ZYG11A: variants seen among roughly 807,000 people sequenced by gnomAD.
The protein encoded by ZYG11A is protein zyg-11 homolog A.
ZYG11A carries 62 observed loss-of-function variants against 77.2 expected under a neutral mutation model. That is an observed-to-expected ratio of 0.80 (90% CI 0.65 to 0.99). The LOEUF is 0.99. Ranked by LOEUF, ZYG11A falls within the 50% of genes least tolerant of loss-of-function variation. ZYG11A has a pLI of 0.00. For synonymous variants in ZYG11A, 315 were observed against 324.6 expected (o/e 0.97, Z 0.32); for missense variants, 828 against 896.8 (o/e 0.92, Z 0.98).
chr1:52,892,783 C>T lies in ZYG11A; in HGVS notation c.2106C>T (p.Pro702=), dbSNP rs1646568186. 2 of 1,551,272 alleles carry T rather than the reference C, an allele frequency of 1.3e-6. No homozygotes were observed. Among genetic ancestry groups the T allele is most frequent in the East Asian group, 2.4e-5 (1 of 40,904 alleles). ...WAMYHVCSKN[P]SKYCKMLVEE... is the part of the protein sequence containing the mutation. ...TGTCTCTGCTTGATTTTCTTTCAGC[C>T]AGCAAATACTGCAAAATGTTAGTTG... Residue 702 remains proline (P), a splice_region_variant and synonymous_variant, in exon 14 of 14, where the codon CCC becomes CCT. Transcript: ENST00000371528.
rs1420319727 is a variant in ZYG11A at position 52,842,898 on chromosome 1, G to A, written c.15G>A (p.Leu5=). MVHF[L]HPGHTPRNIV... ...CCGGGGTTGCCATGGTTCATTTCTT[G>A]CACCCGGGCCACACGCCCCGGAACA... The change falls in exon 1 of 14, where the codon TTG becomes TTA. Residue 5 remains leucine, a synonymous_variant. Transcript: ENST00000371528. The A allele has an allele frequency of 1.3e-6, 2 of 1,532,038 alleles. No homozygotes were observed. Among genetic ancestry groups the A allele is most frequent in the African/African-American group, 1.4e-5 (1 of 70,532 alleles). The allele number at this position is 1,532,038 out of a possible 1,614,324, so 94.9% of individuals were successfully genotyped here.
intron 8 of ZYG11A, among the ~76,000 whole-genome samples, chr1:52,870,011 G>T (rs1177478750): frequency 2.7e-5 from 4 of 150,452 alleles, no homozygotes; most frequent in Admixed American, 1.3e-4. Context: ...GGGTGGAGGG[G>T]CTCCTCACTT....
At chr1:52,872,903 A>G (rs1314059590) in intron 8 of ZYG11A, among the ~76,000 whole-genome samples, 4 of 144,738 alleles carry the variant, frequency 2.8e-5, no homozygotes, top group African/African-American at 1.1e-4. Flanking sequence ...AAAAAAAGAA[A>G]AGAAAAGAAA....
chr1:52,883,733 T>C (rs1646399953), intron 11 of ZYG11A, among the ~76,000 whole-genome samples: 1 of 152,098 alleles, frequency 6.6e-6, no homozygotes, highest in South Asian at 2.1e-4. Context: ...AGCCTAATTT[T>C]TAAGTTTTCC....
At position 52,855,050 on chromosome 1, in the gene ZYG11A, TG is replaced by T. The variant is rs573842146; in HGVS notation, c.256+424del. 4.6e-5 allele frequency among the ~76,000 whole-genome samples: 7 copies of T among 152,074 alleles called. No individual in the cohort carries two copies. The South Asian group carries it at 1.5e-3, about 32-fold the overall frequency. ...CTGATTTTTGTATTTTTAGTAGAGATGGGGTTTCACCACTTTGGTCAGGCTG... is the reference window on the plus strand; with the variant it reads ...CTGATTTTTGTATTTTTAGTAGAGATGGGTTTCACCACTTTGGTCAGGCTG... On this transcript the variant is annotated intron_variant, in intron 2 of 13. Coordinates refer to ENST00000371528, the MANE Select transcript of ZYG11A (RefSeq NM_001004339.3).
chr1:52,886,486 G>T (rs1646453222), intron 12 of ZYG11A, among the ~76,000 whole-genome samples: 1 of 152,074 alleles, frequency 6.6e-6, no homozygotes, highest in Admixed American at 6.5e-5. Flanking sequence ...GTCACAGGGA[G>T]AAGTTGACCC....
At chr1:52,878,207 C>T (rs938115672) in intron 10 of ZYG11A, among the ~76,000 whole-genome samples, 9 of 152,140 alleles carry the variant, frequency 5.9e-5, no homozygotes, top group Admixed American at 5.9e-4. Flanking sequence ...ATCTGTGGGT[C>T]AGTAGTTTGA....
At chr1:52,890,685 C>T (rs1444547742) in intron 13 of ZYG11A, among the ~76,000 whole-genome samples, 1 of 151,828 alleles carries the variant, frequency 6.6e-6, no homozygotes, top group Non-Finnish European at 1.5e-5. Flanking sequence ...CAGCTCACTG[C>T]TGCTTCAACC....
Position 52,867,713 on chromosome 1 carries a change from C to T in ZYG11A, c.1492-14C>T, listed in dbSNP as rs1031117819. The T allele has an allele frequency of 3.2e-6, 5 of 1,551,358 alleles. No homozygotes were observed. Among genetic ancestry groups the T allele is most frequent in the Middle Eastern group, 1.7e-4 (1 of 6,014 alleles). On this transcript the variant is annotated splice_polypyrimidine_tract_variant and intron_variant, in intron 7 of 13. Transcript: ENST00000371528. Reference sequence around the variant, plus strand: ...GGTTCCATAGTTCACTTGAGCCTTTCTGTTTGCTTATAGCTCTCACCTGAG... The same window carrying T: ...GGTTCCATAGTTCACTTGAGCCTTTTTGTTTGCTTATAGCTCTCACCTGAG...
chr1:52,889,414 G>A (rs1312613559), intron 13 of ZYG11A, among the ~76,000 whole-genome samples: 1 of 150,744 alleles, frequency 6.6e-6, no homozygotes, highest in Non-Finnish European at 1.5e-5. Context: ...TTTAAAAAAA[G>A]TATTTAATTT....
chr1:52,844,758 T>A (rs1406965582), intron 1 of ZYG11A, among the ~76,000 whole-genome samples: 1 of 151,968 alleles, frequency 6.6e-6, no homozygotes. Flanking sequence ...TGAGCCACCG[T>A]GCCCGGCCAG....
chr1:52,866,667 C>G (rs934884048), intron 6 of ZYG11A, 100 bp downstream of exon 6: 1 of 683,210 alleles, frequency 1.5e-6, no homozygotes, highest in African/African-American at 1.8e-5. Context: ...AGAGAAGGTT[C>G]TGTTGAGCAT....
intron 5 of ZYG11A, among the ~76,000 whole-genome samples, chr1:52,866,127 C>T (rs1345600597): frequency 7.2e-5 from 11 of 151,834 alleles, no homozygotes; most frequent in East Asian, 1.9e-4. Flanking sequence ...TTAGTAGAGA[C>T]GGGGTTTCAC....
chr1:52,856,843 A>C (rs12097903), intron 2 of ZYG11A, among the ~76,000 whole-genome samples, 155 bp from the exon 3 acceptor site: 2,822 of 152,324 alleles, frequency 0.019, 59 homozygotes, highest in African/African-American at 0.063. Context: ...TGAGATAATA[A>C]TCTTATTAAA....
intron 8 of ZYG11A, 42 bp downstream of exon 8, chr1:52,867,819 T>C: frequency 6.7e-7 from 1 of 1,493,300 alleles, no homozygotes; most frequent in Non-Finnish European, 9.1e-7. Context: ...TTAAAAAAAG[T>C]CAAATTTATG....
chr1:52,893,079 G>A lies in ZYG11A; in HGVS notation c.*122G>A. The A allele has an allele frequency of 1.2e-6, 1 of 841,854 alleles. No individual in the cohort carries two copies. Among genetic ancestry groups the A allele is most frequent in the Non-Finnish European group, 1.8e-6 (1 of 556,026 alleles). 52.1% of individuals were successfully genotyped at this position (841,854 alleles called of 1,614,324 possible). A position where few individuals can be genotyped will look rare whatever the true frequency, so the allele number is the denominator to read the frequency against. The stretch of plus-strand genomic sequence containing the variant: ...GCTGTCTCATTGGCCTTTGATTGTT[G>A]ATTTTATATATGTTACAAAAGGTTG... On this transcript the variant is annotated 3_prime_UTR_variant, in exon 14 of 14. Transcript: ENST00000371528.
At chr1:52,874,219 C>A (rs1374604180) in intron 8 of ZYG11A, among the ~76,000 whole-genome samples, 1 of 134,972 alleles carries the variant, frequency 7.4e-6, no homozygotes, top group Non-Finnish European at 1.6e-5. Flanking sequence ...GGTGGTTTAG[C>A]GTTTTTTAGC....
chr1:52,862,761 A>AT (rs1645954636), intron 4 of ZYG11A, among the ~76,000 whole-genome samples: 1 of 151,914 alleles, frequency 6.6e-6, no homozygotes. Flanking sequence ...ATTGAATTAG[A>AT]TGTTCTTCTG....
intron 8 of ZYG11A, among the ~76,000 whole-genome samples, chr1:52,873,127 C>T (rs927376490): frequency 6.6e-6 from 1 of 151,720 alleles, no homozygotes; most frequent in Non-Finnish European, 1.5e-5. Context: ...TGAGACCAGC[C>T]TGGGCAACGT....
Sources: allele counts gnomAD v4.1 joint callset (sites outside exome capture counted in the v4.1 genomes callset), GRCh38; gene constraint gnomAD v4.1.1; transcripts MANE v1.5; gene names NCBI Gene and HGNC (gene_info 2026-07-23, HGNC 2026-07-21).